Variants in TJP2 observed in about 807,000 individuals in gnomAD.
TJP2 encodes the protein tight junction protein 2.
TJP2 carries 91 observed loss-of-function variants against 133.1 expected under a neutral mutation model. The observed-to-expected ratio is 0.68, with a 90% confidence interval of 0.58 to 0.81. The LOEUF (loss-of-function observed/expected upper bound fraction) is 0.81. Among genes scored for constraint, TJP2 ranks in the 40% least tolerant of loss-of-function variants. The pLI, the probability that TJP2 is intolerant of heterozygous loss-of-function variation, is 0.00. For missense variants in TJP2, 1,541 were observed against 1,565.6 expected (o/e 0.98, Z 0.26); for synonymous variants, 592 against 583.4 (o/e 1.01, Z -0.21).
intron 1 of TJP2, among the ~76,000 whole-genome samples, chr9:69,122,947 C>T (rs540970203): frequency 1.2e-4 from 19 of 152,154 alleles, no homozygotes; most frequent in Non-Finnish European, 2.8e-4. Context: ...GATAGGGTGA[C>T]ATTCTGGGTA....
rs554726026 is a variant in TJP2, at chr9:69,223,163, G to A, written c.952+1667G>A. Reference sequence around the variant, plus strand: ...CTAGTGGCCTTGCTGCATCTCAAGTGGAAAACCACAGTGGAGGACAGTACT... The same window carrying A: ...CTAGTGGCCTTGCTGCATCTCAAGTAGAAAACCACAGTGGAGGACAGTACT... On this transcript the variant is annotated intron_variant, in intron 5 of 22. Coordinates refer to ENST00000377245, the MANE Select transcript of TJP2 (RefSeq NM_004817.4). Among the ~76,000 whole-genome samples the A allele has an allele frequency of 2.8e-4, 43 of 151,816 alleles. 1 individual carries two copies. The South Asian group carries it at 9.0e-3, about 32-fold the overall frequency.
At chr9:69,235,081 G>A (rs890758611) in intron 12 of TJP2, among the ~76,000 whole-genome samples, 2 of 152,128 alleles carry the variant, frequency 1.3e-5, no homozygotes, top group Non-Finnish European at 2.9e-5. Flanking sequence ...ATAAAGAATT[G>A]GCTCACATAA....
chr9:69,153,851 A>C (rs1213327667), intron 2 of TJP2, among the ~76,000 whole-genome samples: 2 of 152,196 alleles, frequency 1.3e-5, no homozygotes, highest in African/African-American at 2.4e-5. Flanking sequence ...GAGTTCTTTC[A>C]TGTGTAAACA....
At chr9:69,192,744 G>T (rs1487996190) in intron 1 of TJP2, among the ~76,000 whole-genome samples, 2 of 152,130 alleles carry the variant, frequency 1.3e-5, no homozygotes, top group African/African-American at 4.8e-5. Context: ...TGCTGCAGCA[G>T]TGGCTTTGGG....
chr9:69,191,069 C>G (rs1006521853), intron 1 of TJP2, among the ~76,000 whole-genome samples: 3 of 152,056 alleles, frequency 2.0e-5, no homozygotes, highest in East Asian at 3.9e-4. Context: ...CATGAGATGC[C>G]CCTGTCTGCA....
chr9:69,240,954 T>C (rs769459483), intron 17 of TJP2, among the ~76,000 whole-genome samples: 7 of 152,222 alleles, frequency 4.6e-5, no homozygotes, highest in Non-Finnish European at 8.8e-5. Context: ...AAAATATTTA[T>C]GGTTGACCTA....
In TJP2 at chr9:69,212,572, T is replaced by C. The variant is rs530470555; in HGVS notation, c.85T>C (p.Trp29Arg). The C allele has an allele frequency of 1.2e-5, 20 of 1,613,612 alleles. No individual in the cohort carries two copies. The highest frequency in any genetic ancestry group is 1.1e-4 in the South Asian group (10 of 91,074). The part of the protein sequence containing the change: ...LRAPGMEELI[W>R]EQYTVTLQKD... ...GGCCCCAGGCATGGAAGAGCTGATA[T>C]GGGAACAGTACACTGTGACCCTACA... Residue 29 changes from tryptophan to arginine, a missense_variant, in exon 2 of 23, where the codon TGG (tryptophan) becomes CGG (arginine). By Grantham distance (101) the Trp-to-Arg change is moderately radical. Coordinates refer to ENST00000377245, the MANE Select transcript of TJP2 (RefSeq NM_004817.4).
chr9:69,178,556 C>G (rs144787099), intron 1 of TJP2, among the ~76,000 whole-genome samples: 2 of 152,290 alleles, frequency 1.3e-5, no homozygotes, highest in Non-Finnish European at 2.9e-5. Context: ...ACCACGCCTT[C>G]AAGAAAGTCA....
chr9:69,168,559 C>T (rs1824485848), intron 2 of TJP2, among the ~76,000 whole-genome samples: 1 of 152,110 alleles, frequency 6.6e-6, no homozygotes, highest in Non-Finnish European at 1.5e-5. Flanking sequence ...CTTTGGGAGG[C>T]TGAGGCAGGT....
At chr9:69,217,069 A>G (rs561192607) in intron 3 of TJP2, among the ~76,000 whole-genome samples, 6 of 150,500 alleles carry the variant, frequency 4.0e-5, no homozygotes, top group South Asian at 4.2e-4. Flanking sequence ...GCTCACTGCA[A>G]CCATCACCTT....
At chr9:69,164,300 C>T (rs1009803911) in intron 2 of TJP2, among the ~76,000 whole-genome samples, 2 of 151,682 alleles carry the variant, frequency 1.3e-5, no homozygotes, top group Admixed American at 1.3e-4. Context: ...TAGAGCTAGC[C>T]GATTCTGGTG....
chr9:69,176,245 C>T (rs1255558221), intron 1 of TJP2, among the ~76,000 whole-genome samples: 5 of 152,166 alleles, frequency 3.3e-5, no homozygotes, highest in Non-Finnish European at 7.3e-5. Context: ...AGTAATGCGC[C>T]CACCTCACCG....
chr9:69,248,293 T>C, intron 19 of TJP2, 69 bp downstream of exon 19: 12 of 1,524,414 alleles, frequency 7.9e-6, no homozygotes, highest in Non-Finnish European at 1.1e-5. Flanking sequence ...CGTGGACAGC[T>C]GTGTGTTCAG....
At chr9:69,130,093 G>C (rs181115876) in intron 1 of TJP2, among the ~76,000 whole-genome samples, 1 of 151,658 alleles carries the variant, frequency 6.6e-6, no homozygotes, top group African/African-American at 2.4e-5. Context: ...CATTTTTCAC[G>C]AGTCAGTGCA....
At chr9:69,174,468 G>GTTC (rs1564402229) in intron 1 of TJP2, 36 bp downstream of exon 1, 1 of 1,525,792 alleles carries the variant, frequency 6.6e-7, no homozygotes, top group South Asian at 1.2e-5. Context: ...TTGGGAGGAG[G>GTTC]GTCGTGAGCG....
intron 11 of TJP2, among the ~76,000 whole-genome samples, chr9:69,231,361 G>A (rs946741163): frequency 3.3e-5 from 5 of 152,138 alleles, no homozygotes; most frequent in Non-Finnish European, 7.3e-5. Context: ...GCCTCCCAAA[G>A]TGCTGGGATT....
intron 7 of TJP2, 118 bp downstream of exon 7, chr9:69,226,293 A>C: frequency 8.4e-7 from 1 of 1,186,968 alleles, no homozygotes. Flanking sequence ...AGACCCCTTG[A>C]AACCTTAATC....
intron 1 of TJP2, among the ~76,000 whole-genome samples, chr9:69,126,301 G>A (rs10781430): frequency 0.72 from 54,761 of 76,204 alleles, 26,051 homozygotes; most frequent in East Asian, 1. Flanking sequence ...CAAGAGCCAA[G>A]GGTTCTTTTC....
chr9:69,131,981 A>G (rs920773677), intron 1 of TJP2, among the ~76,000 whole-genome samples: 19 of 152,252 alleles, frequency 1.2e-4, no homozygotes, highest in African/African-American at 4.3e-4. Context: ...AAAATAAGCC[A>G]AGGGGAGAAG....
Sources: allele counts gnomAD v4.1 joint callset (sites outside exome capture counted in the v4.1 genomes callset), GRCh38; gene constraint gnomAD v4.1.1; transcripts MANE v1.5; gene names NCBI Gene and HGNC (gene_info 2026-07-23, HGNC 2026-07-21).